OPLAH: variants seen among roughly 807,000 people sequenced by gnomAD.
OPLAH encodes 5-oxoprolinase, ATP-hydrolysing.
OPLAH carries 103 observed loss-of-function variants against 122.8 expected under a neutral mutation model. That is an observed-to-expected ratio of 0.84 (90% confidence interval 0.71 to 0.99). The LOEUF (loss-of-function observed/expected upper bound fraction) is 0.99. Among genes scored for constraint, OPLAH ranks in the 50% least tolerant of loss-of-function variants. The pLI is 0.00. For missense variants in OPLAH, 1,902 were observed against 1,836.5 expected (o/e 1.04, Z -0.65); for synonymous variants, 875 against 796.0 (o/e 1.10, Z -1.67).
chr8:144,058,201 C>G (rs1835574952), intron 7 of OPLAH, 38 bp downstream of exon 7: 1 of 1,604,802 alleles, frequency 6.2e-7, no homozygotes, highest in Non-Finnish European at 8.5e-7. Context: ...GGCCCAGCAG[C>G]TGAGCCTCCC....
At position 144,058,012 on chromosome 8, in the gene OPLAH, G is replaced by A. The variant is rs1835567351; in HGVS notation, c.1086C>T (p.Phe362=). 6.2e-7 allele frequency: 1 copy of A among 1,612,482 alleles called. No homozygotes were observed. The highest frequency in any genetic ancestry group is 8.5e-7 in the Non-Finnish European group (1 of 1,179,762). ...GCCTGGGAAGCAGGAGAGCTGACCTGAAGAAGAGGCGGGAACCCCCTCCCG... is the reference window on the plus strand; with the variant it reads ...GCCTGGGAAGCAGGAGAGCTGACCTAAAGAAGAGGCGGGAACCCCCTCCCG... ...VAAGGGSRLF[F]RSGLFVVGPE... is the part of the protein sequence containing the mutation. Residue 362 remains phenylalanine, a splice_region_variant and synonymous_variant, in exon 8 of 27, where the codon TTC becomes TTT. Coordinates refer to ENST00000618853, the MANE Select transcript of OPLAH (RefSeq NM_017570.5).
Position 144,054,796 on chromosome 8 carries a change from G to A in OPLAH, c.2511+16C>T, listed in dbSNP as rs782729282. 1.7e-5 allele frequency: 28 copies of A among 1,611,924 alleles called. No homozygotes were observed. The highest frequency in any genetic ancestry group is 1.2e-4 in the Admixed American group (7 of 59,978). Reference sequence around the variant, plus strand: ...CACCACTGCCCCAGCAGAGGCAGGCGGGCAGCACCCCTCACCGGTGTGATA... The same window carrying A: ...CACCACTGCCCCAGCAGAGGCAGGCAGGCAGCACCCCTCACCGGTGTGATA... On this transcript the variant is annotated intron_variant, in intron 18 of 26. Coordinates refer to ENST00000618853, the MANE Select transcript of OPLAH (RefSeq NM_017570.5).
intron 26 of OPLAH, 38 bp downstream of exon 26, chr8:144,051,681 CGGGAGGGGAG>C (rs781877214): frequency 2.6e-5 from 27 of 1,058,162 alleles, no homozygotes; most frequent in South Asian, 1.5e-4. Flanking sequence ...GGGATGGGGC[CGGGAGGGGAG>C]GGGAGGGGAG....
At chr8:144,050,581 A>G, downstream of OPLAH, 1 of 985,618 alleles carries the variant, frequency 1.0e-6, no homozygotes, top group Non-Finnish European at 1.2e-6. Context: ...CGCTGTTTCC[A>G]GGATCCCTGC....
At chr8:144,051,240 GCA>G, downstream of OPLAH, 1 of 1,575,782 alleles carries the variant, frequency 6.3e-7, no homozygotes, top group Non-Finnish European at 8.6e-7. Flanking sequence ...CGGCTGGCGC[GCA>G]CAGACACGAC....
chr8:144,056,446 C>T lies in OPLAH; in HGVS notation c.1922G>A (p.Arg641His), dbSNP rs782276156. 2.0e-5 allele frequency: 32 copies of T among 1,610,230 alleles called. No individual in the cohort carries two copies. The highest frequency in any genetic ancestry group is 4.5e-5 in the East Asian group (2 of 44,792). ...VDDVRVRGTGRSGLRLEDAPK... is the reference protein window; with the variant it reads ...VDDVRVRGTGHSGLRLEDAPK... ...GGCATCCTCGAGGCGAAGACCACTG[C>T]GGCCGGTGCCCCGCACTCGCACATC... The change falls in exon 14 of 27, where the codon CGC becomes CAC. Residue 641 changes from arginine (R) to histidine (H), a missense_variant. Around this residue, in one of 3 missense-constraint regions of OPLAH, gnomAD observed 1,726 missense variants for 1,642.1 expected, o/e 1.05. Transcript: ENST00000618853.
upstream of OPLAH, among the ~76,000 whole-genome samples, chr8:144,063,234 C>G (rs1446983315): frequency 2.6e-5 from 4 of 152,336 alleles, no homozygotes; most frequent in South Asian, 4.1e-4. This position sits in a 1 kb window ranked among gnomAD's most constrained non-coding sequence, Gnocchi z 4.2. Flanking sequence ...GCGGCTCCCC[C>G]ACCCAGCGAG....
upstream of OPLAH, among the ~76,000 whole-genome samples, chr8:144,061,884 G>A (rs558346685): frequency 2.1e-4 from 32 of 151,970 alleles, no homozygotes; most frequent in Non-Finnish European, 3.7e-4. Flanking sequence ...GCTGGGCGTG[G>A]TGGCACGCAC....
At chr8:144,063,251 C>T (rs1835691823), upstream of OPLAH, among the ~76,000 whole-genome samples, 1 of 152,210 alleles carries the variant, frequency 6.6e-6, no homozygotes, top group South Asian at 2.1e-4. The surrounding 1 kb of genome is among the most constrained non-coding windows in gnomAD (Gnocchi z 4.2). Context: ...CGAGCTGCCC[C>T]AGCCCCATTC....
intron 3 of OPLAH, 48 bp from the exon 4 acceptor site, chr8:144,059,127 G>T: frequency 1.4e-6 from 2 of 1,465,818 alleles, no homozygotes; most frequent in Non-Finnish European, 1.9e-6. Flanking sequence ...GAGGGTCCAG[G>T]CCGGGGTCCT....
At chr8:144,053,481 C>T (rs1384565225) in intron 19 of OPLAH, 88 bp from the exon 20 acceptor site, 5 of 1,335,750 alleles carry the variant, frequency 3.7e-6, no homozygotes, top group South Asian at 1.4e-5. Flanking sequence ...AGGTCTCTGG[C>T]CCCTAGAAAG....
chr8:144,054,977 G>A lies in OPLAH; in HGVS notation c.2409+52C>T. ...GCAGGGGCCAGAGCGGGGTGGGGGG[G>A]GGGTGGAGGGTGAGGGAGGGGGATG... On this transcript the variant is annotated intron_variant, in intron 17 of 26. Coordinates refer to ENST00000618853, the MANE Select transcript of OPLAH (RefSeq NM_017570.5). 3.8e-6 allele frequency: 4 copies of A among 1,046,360 alleles called. No individual in the cohort carries two copies. In the South Asian group the frequency reaches 5.3e-5, roughly 14 times the overall value. The allele number at this position is 1,046,360 out of a possible 1,614,324, so 64.8% of individuals were successfully genotyped here. A position where few individuals can be genotyped will look rare whatever the true frequency, so the allele number is the denominator to read the frequency against.
Position 144,058,820 on chromosome 8 carries a change from TAGC to T in OPLAH, c.537_539del (p.Leu180del), listed in dbSNP as rs1177815133. ...CAGCCAGGCTGCGGATGCCTCGAGATAGCAGCCCCTCCAGCTTCCCACGCAGGG... is the reference window on the plus strand; with the variant it reads ...CAGCCAGGCTGCGGATGCCTCGAGATAGCCCCTCCAGCTTCCCACGCAGGG... On this transcript the variant is annotated inframe_deletion, in exon 5 of 27. Transcript: ENST00000618853. 1 of 1,597,458 alleles carries T rather than the reference TAGC, an allele frequency of 6.3e-7. No individual in the cohort carries two copies. The highest frequency in any genetic ancestry group is 1.3e-5 in the African/African-American group (1 of 74,378).
intron 12 of OPLAH, 46 bp downstream of exon 12, chr8:144,056,902 G>A: frequency 6.5e-7 from 1 of 1,532,884 alleles, no homozygotes; most frequent in Non-Finnish European, 8.8e-7. Context: ...CAAGGGCGTG[G>A]TGAGGACAAC....
In OPLAH at chr8:144,053,309, C is replaced by A. The variant is rs782040853; in HGVS notation, c.2771G>T (p.Arg924Leu). 1.2e-6 allele frequency: 2 copies of A among 1,612,990 alleles called. No individual in the cohort carries two copies. Among genetic ancestry groups the A allele is most frequent in the East Asian group, 2.2e-5 (1 of 44,884 alleles). Residue 924 changes from arginine (R) to leucine (L), a missense_variant, in exon 20 of 27, where the codon CGT (arginine) becomes CTT (leucine). Transcript: ENST00000618853. ...RNLHDNLSDL[R>L]AQVAANQKGI... ...CTTCTGGTTGGCTGCCACCTGGGCA[C>A]GGAGGTCCGACAGGTTGTCGTGCAG...
rs1835599987 is a variant in OPLAH at position 144,058,910 on chromosome 8, C to G, written c.464-14G>C. On this transcript the variant is annotated splice_polypyrimidine_tract_variant and intron_variant, in intron 4 of 26. Coordinates refer to ENST00000618853, the MANE Select transcript of OPLAH (RefSeq NM_017570.5). ...CCCCCGTGCGGCCTTCCAGAAAAGCCCAGGAGGCCCCGTTAAAGGCCAGCA... is the reference window on the plus strand; with the variant it reads ...CCCCCGTGCGGCCTTCCAGAAAAGCGCAGGAGGCCCCGTTAAAGGCCAGCA... 1.3e-6 allele frequency: 2 copies of G among 1,549,436 alleles called. No homozygotes were observed. Among genetic ancestry groups the G allele is most frequent in the Non-Finnish European group, 1.7e-6 (2 of 1,146,014 alleles).
At chr8:144,063,270 A>G (rs1835692114), upstream of OPLAH, among the ~76,000 whole-genome samples, 1 of 151,460 alleles carries the variant, frequency 6.6e-6, no homozygotes, top group Non-Finnish European at 1.5e-5. The surrounding 1 kb of genome is among the most constrained non-coding windows in gnomAD (Gnocchi z 4.2). Context: ...TCTCATCCCC[A>G]CACGCAATCT....
Position 144,056,200 on chromosome 8 carries a change from C to T in OPLAH, c.2043G>A (p.Glu681=), listed in dbSNP as rs370662931. ...YQETPVYLLA[E]LGYGHKLHGP... is the part of the protein sequence containing the mutation. ...CATGGAGCTTGTGCCCATAGCCCAG[C>T]TCTGCCAGCAGGTACACAGGGGTCT... The change falls in exon 15 of 27, where the codon GAG becomes GAA. Residue 681 remains glutamate (E), a synonymous_variant. Transcript: ENST00000618853. 7.2e-5 allele frequency: 116 copies of T among 1,612,142 alleles called. 1 individual carries two copies. Among genetic ancestry groups the T allele is most frequent in the Non-Finnish European group, 8.9e-5 (105 of 1,179,464 alleles).
downstream of OPLAH, chr8:144,051,108 C>T: frequency 7.2e-7 from 1 of 1,383,102 alleles, no homozygotes. Flanking sequence ...TGACTCCCGC[C>T]CCCAGGAGGT....
Sources: gnomAD v4.1 joint callset for allele counts (sites outside exome capture counted in the v4.1 genomes callset) on GRCh38, gnomAD v4.1.1 for gene constraint, gnomAD v4.1.1 regional missense constraint, Gnocchi (gnomAD v3.1) non-coding constraint, MANE v1.5 for transcripts, NCBI Gene and HGNC (gene_info 2026-07-23, HGNC 2026-07-21) for gene names.